The following DDX10 variants were observed in gnomAD, a reference collection of about 807,000 sequenced individuals.
The protein encoded by DDX10 is probable ATP-dependent RNA helicase DDX10.
DDX10 carries 74 observed loss-of-function variants against 104.3 expected under a neutral mutation model. The observed-to-expected ratio is 0.71, with a 90% confidence interval of 0.59 to 0.86. The LOEUF (loss-of-function observed/expected upper bound fraction) is 0.86, where lower values mean the gene tolerates loss of function less well. DDX10 is among the 40% of genes least tolerant of loss of function. The pLI is 0.00. For missense variants in DDX10, 952 were observed against 1,040.0 expected, an observed-to-expected ratio of 0.92 and a Z score of 1.16; for synonymous variants, 351 against 353.4, an observed-to-expected ratio of 0.99 and a Z score of 0.08.
At chr11:108,706,893 T>G in intron 10 of DDX10, 56 bp downstream of exon 10, 1 of 1,431,878 alleles carries the variant, frequency 7.0e-7, no homozygotes, top group Non-Finnish European at 9.8e-7. Context: ...TGAAATTGTT[T>G]GCTTAATTAT....
At chr11:108,671,524 G>C (rs2094217010) in intron 1 of DDX10, among the ~76,000 whole-genome samples, 2 of 152,178 alleles carry the variant, frequency 1.3e-5, no homozygotes, top group Admixed American at 6.5e-5. Flanking sequence ...GTAATCCTTG[G>C]AATATAACAG....
chr11:108,874,416 C>G (rs1292633513), intron 16 of DDX10, among the ~76,000 whole-genome samples: 1 of 152,176 alleles, frequency 6.6e-6, no homozygotes. Flanking sequence ...TCAAGACACT[C>G]AGAAGCTCAT....
intron 13 of DDX10, among the ~76,000 whole-genome samples, chr11:108,749,022 T>C (rs1591808455): frequency 1.3e-5 from 2 of 152,124 alleles, no homozygotes; most frequent in East Asian, 3.9e-4. Context: ...TATGAATTAC[T>C]GACAACCATA....
intron 6 of DDX10, among the ~76,000 whole-genome samples, chr11:108,683,481 G>C (rs150219869): frequency 1.3e-5 from 2 of 152,248 alleles, no homozygotes; most frequent in Non-Finnish European, 2.9e-5. Flanking sequence ...GGGCATTTCT[G>C]TTTTTTCCTT....
At chr11:108,755,221 T>C (rs1425666648) in intron 13 of DDX10, among the ~76,000 whole-genome samples, 1 of 152,002 alleles carries the variant, frequency 6.6e-6, no homozygotes, top group Admixed American at 6.6e-5. Context: ...AAGCAATGCA[T>C]TCTGATAACA....
At chr11:108,728,582 G>A (rs1018668268) in intron 13 of DDX10, among the ~76,000 whole-genome samples, 15 of 138,734 alleles carry the variant, frequency 1.1e-4, no homozygotes, top group African/African-American at 4.3e-4. Context: ...TGGCATGATT[G>A]TGGCTCACTG....
chr11:108,939,366 A>G (rs961286747), intron 17 of DDX10, among the ~76,000 whole-genome samples: 5 of 152,244 alleles, frequency 3.3e-5, no homozygotes, highest in African/African-American at 1.2e-4. Context: ...TCATTGCAGA[A>G]TGAGACTAAT....
chr11:108,817,988 G>A (rs1484616821), intron 13 of DDX10, among the ~76,000 whole-genome samples: 1 of 152,166 alleles, frequency 6.6e-6, no homozygotes, highest in Non-Finnish European at 1.5e-5. Flanking sequence ...CCTGTGAAAC[G>A]CAAAATAGTG....
intron 13 of DDX10, among the ~76,000 whole-genome samples, chr11:108,802,356 T>G (rs1368583896): frequency 6.6e-6 from 1 of 152,210 alleles, no homozygotes; most frequent in African/African-American, 2.4e-5. Context: ...AGTGAGTTTA[T>G]GTAACTTAAA....
chr11:108,812,127 C>T (rs1862191184), intron 13 of DDX10, among the ~76,000 whole-genome samples: 1 of 152,108 alleles, frequency 6.6e-6, no homozygotes, highest in Non-Finnish European at 1.5e-5. Context: ...CCAGTCTGCT[C>T]ATTAATTTCC....
intron 16 of DDX10, among the ~76,000 whole-genome samples, chr11:108,861,256 C>T (rs928597924): frequency 6.6e-6 from 1 of 151,970 alleles, no homozygotes; most frequent in Non-Finnish European, 1.5e-5. Context: ...TTGTGACTGC[C>T]CTGGACGTGC....
chr11:108,666,799 G>T (rs1398104373), intron 1 of DDX10, among the ~76,000 whole-genome samples: 2 of 152,178 alleles, frequency 1.3e-5, no homozygotes, highest in Non-Finnish European at 2.9e-5. Flanking sequence ...CCCATCCCAA[G>T]ATCTTTAATT....
intron 10 of DDX10, among the ~76,000 whole-genome samples, chr11:108,714,830 T>C (rs7932521): frequency 0.034 from 5,127 of 151,868 alleles, 285 homozygotes; most frequent in African/African-American, 0.12. Context: ...GGGAGGAGAG[T>C]TGAGGATGTA....
At chr11:108,855,888 T>G (rs1374164615) in intron 16 of DDX10, among the ~76,000 whole-genome samples, 1 of 152,242 alleles carries the variant, frequency 6.6e-6, no homozygotes, top group Non-Finnish European at 1.5e-5. Context: ...TTAAAAATGA[T>G]GATTATAGTT....
intron 13 of DDX10, among the ~76,000 whole-genome samples, chr11:108,744,372 C>A (rs2094328869): frequency 6.6e-6 from 1 of 152,138 alleles, no homozygotes; most frequent in South Asian, 2.1e-4. Context: ...CTACTTAGAA[C>A]CCCAACTTTA....
intron 13 of DDX10, among the ~76,000 whole-genome samples, chr11:108,836,689 G>C (rs1267656768): frequency 5.3e-5 from 8 of 152,056 alleles, no homozygotes; most frequent in Non-Finnish European, 1.2e-4. Flanking sequence ...GGGTTTTGCT[G>C]TGTTGGCTGG....
intron 13 of DDX10, among the ~76,000 whole-genome samples, chr11:108,785,787 C>T (rs1025051404): frequency 2.0e-5 from 3 of 151,884 alleles, no homozygotes; most frequent in Non-Finnish European, 4.4e-5. Context: ...TTGTCACTTC[C>T]GATTGTGCTT....
intron 16 of DDX10, among the ~76,000 whole-genome samples, chr11:108,872,636 T>C (rs1220939673): frequency 3.9e-5 from 6 of 152,206 alleles, no homozygotes; most frequent in Admixed American, 3.9e-4. Flanking sequence ...CAACTGACTT[T>C]TATTATTTCT....
chr11:108,836,045 CTTGGTGTTT>C (rs892448292), intron 13 of DDX10, among the ~76,000 whole-genome samples: 34 of 152,118 alleles, frequency 2.2e-4, no homozygotes, highest in Admixed American at 6.6e-5. Context: ...GCCTCCAGAC[CTTGGTGTTT>C]TTCTTGATTC....
Sources: allele counts gnomAD v4.1 joint callset (sites outside exome capture counted in the v4.1 genomes callset), GRCh38; gene constraint gnomAD v4.1.1; transcripts MANE v1.5; gene names NCBI Gene and HGNC (gene_info 2026-07-23, HGNC 2026-07-21).